The following GALNT13 variants were observed in gnomAD, a reference collection of about 807,000 sequenced individuals.
The protein encoded by GALNT13 is UDP-GalNAc:polypeptide N-acetylgalactosaminyltransferase 13.
A neutral mutation model predicts 64.2 loss-of-function variants in GALNT13; 28 were observed. The ratio of observed to expected loss-of-function variants is 0.44; its 90% CI spans 0.32 to 0.60. GALNT13 has a LOEUF of 0.60. GALNT13 is among the 20% of genes least tolerant of loss of function. The probability of loss-of-function intolerance (pLI) is 0.05; values close to 1 mark genes in which losing one functional copy is unlikely to be tolerated. For missense variants in GALNT13, 577 were observed against 669.8 expected, an observed-to-expected ratio of 0.86 and a Z score of 1.53; for synonymous variants, 214 against 224.6, an observed-to-expected ratio of 0.95 and a Z score of 0.42.
intron 9 of GALNT13, among the ~76,000 whole-genome samples, chr2:154,302,875 C>G (rs1693521877): frequency 6.6e-6 from 1 of 152,114 alleles, no homozygotes; most frequent in Admixed American, 6.5e-5. Flanking sequence ...CTATTCAAAC[C>G]TTTAAAAGGT....
At chr2:154,386,474 A>G (rs764630203) in intron 9 of GALNT13, among the ~76,000 whole-genome samples, 37 of 152,058 alleles carry the variant, frequency 2.4e-4, no homozygotes, top group Admixed American at 1.2e-3. Flanking sequence ...AAGTACTCAG[A>G]TAAGACAAAT....
chr2:153,399,710 A>G, the GALNT13 span, among the ~76,000 whole-genome samples: 1 of 151,944 alleles, frequency 6.6e-6, no homozygotes, highest in Admixed American at 6.6e-5. Context: ...TTCACTCATG[A>G]TTTGGCTCTC....
At chr2:154,311,962 C>T (rs1323476899) in intron 9 of GALNT13, among the ~76,000 whole-genome samples, 3 of 152,178 alleles carry the variant, frequency 2.0e-5, no homozygotes, top group African/African-American at 7.2e-5. Flanking sequence ...TTATCCTGTT[C>T]TTTTTTCAGG....
intron 8 of GALNT13, among the ~76,000 whole-genome samples, chr2:154,270,919 C>T (rs967659881): frequency 4.0e-5 from 6 of 151,852 alleles, no homozygotes; most frequent in Non-Finnish European, 8.9e-5. Context: ...GATAGAGTAT[C>T]ATTTGGGGTT....
the GALNT13 span, among the ~76,000 whole-genome samples, chr2:153,384,736 C>T: frequency 6.6e-6 from 1 of 152,096 alleles, no homozygotes; most frequent in Non-Finnish European, 1.5e-5. Flanking sequence ...CTTACAGCCT[C>T]TGCTTTAATG....
At chr2:153,449,091 G>C in the GALNT13 span, among the ~76,000 whole-genome samples, 1 of 152,072 alleles carries the variant, frequency 6.6e-6, no homozygotes, top group Non-Finnish European at 1.5e-5. Context: ...ACCAAGGAAA[G>C]GCCATGTGAG....
intron 3 of GALNT13, among the ~76,000 whole-genome samples, chr2:154,116,786 G>C (rs905396676): frequency 6.6e-6 from 1 of 152,032 alleles, no homozygotes; most frequent in South Asian, 2.1e-4. Context: ...AGAAACCCCC[G>C]AACCAATGAA....
Position 154,411,145 on chromosome 2 carries a change from A to G in GALNT13, c.1395+2063A>G, listed in dbSNP as rs150701514. Among the ~76,000 whole-genome samples the G allele has an allele frequency of 4.7e-3, 717 of 151,992 alleles. 4 individuals are homozygous for G. Among genetic ancestry groups the G allele is most frequent in the African/African-American group, 0.016 (672 of 41,540 alleles). ...CAAGAAATAATGAGCTGTTATTTTC[A>G]TAGTAACTAAAAGTATATAAAAACA... On this transcript the variant is annotated intron_variant, in intron 11 of 12. Transcript: ENST00000392825.
intron 11 of GALNT13, among the ~76,000 whole-genome samples, chr2:154,425,795 C>A (rs902784358): frequency 6.6e-6 from 1 of 151,950 alleles, no homozygotes; most frequent in African/African-American, 2.4e-5. Flanking sequence ...TTTGGATAAA[C>A]AAGACAGATT....
the GALNT13 span, among the ~76,000 whole-genome samples, chr2:153,555,953 A>G: frequency 6.6e-6 from 1 of 152,236 alleles, no homozygotes; most frequent in Non-Finnish European, 1.5e-5. Context: ...TCGGGAAAAA[A>G]TGTGTTATGA....
At chr2:153,507,353 T>C in the GALNT13 span, among the ~76,000 whole-genome samples, 1 of 152,072 alleles carries the variant, frequency 6.6e-6, no homozygotes, top group Non-Finnish European at 1.5e-5. Flanking sequence ...CTATCTCAGT[T>C]CACTGCAAGC....
chr2:153,805,491 GA>G, the GALNT13 span, among the ~76,000 whole-genome samples: 4 of 152,000 alleles, frequency 2.6e-5, no homozygotes, highest in African/African-American at 9.7e-5. Context: ...CTACTAAAGG[GA>G]ATGATTAGGC....
At chr2:153,163,416 G>A in the GALNT13 span, among the ~76,000 whole-genome samples, 1 of 152,158 alleles carries the variant, frequency 6.6e-6, no homozygotes, top group East Asian at 1.9e-4. Flanking sequence ...TGGGCATAAA[G>A]AAACTTTCCA....
chr2:153,403,692 C>T, the GALNT13 span, among the ~76,000 whole-genome samples: 15 of 152,166 alleles, frequency 9.9e-5, no homozygotes, highest in Non-Finnish European at 1.8e-4. Flanking sequence ...CCTGATTTTC[C>T]AGGTGCTGTC....
the GALNT13 span, among the ~76,000 whole-genome samples, chr2:153,198,795 C>G: frequency 6.6e-6 from 1 of 152,178 alleles, no homozygotes; most frequent in African/African-American, 2.4e-5. Flanking sequence ...TCACCTTCCT[C>G]AGAAAGTTTG....
intron 9 of GALNT13, among the ~76,000 whole-genome samples, chr2:154,342,681 A>G (rs936819058): frequency 2.0e-5 from 3 of 152,040 alleles, no homozygotes; most frequent in Admixed American, 6.6e-5. Flanking sequence ...GCAAAGTTGA[A>G]TAAGTACAAC....
chr2:154,362,496 G>A (rs1268948063), intron 9 of GALNT13, among the ~76,000 whole-genome samples: 1 of 151,634 alleles, frequency 6.6e-6, no homozygotes, highest in Non-Finnish European at 1.5e-5. Context: ...TAAACTATTG[G>A]TGGGTGAGAG....
the GALNT13 span, among the ~76,000 whole-genome samples, chr2:153,652,614 C>CA: frequency 1.3e-5 from 2 of 151,502 alleles, no homozygotes; most frequent in Admixed American, 6.6e-5. Context: ...GACTCTGTCT[C>CA]AAAAAAAGGA....
the GALNT13 span, among the ~76,000 whole-genome samples, chr2:153,521,492 C>T: frequency 2.6e-5 from 4 of 152,178 alleles, no homozygotes; most frequent in African/African-American, 9.7e-5. Flanking sequence ...TATCAACATC[C>T]CGTACCAGAG....
Sources: allele counts gnomAD v4.1 joint callset (sites outside exome capture counted in the v4.1 genomes callset), GRCh38; gene constraint gnomAD v4.1.1; transcripts MANE v1.5; gene names NCBI Gene and HGNC (gene_info 2026-07-23, HGNC 2026-07-21).